The following LRRC37A2 variants were observed in gnomAD, a reference collection of about 807,000 sequenced individuals.
LRRC37A2 encodes the protein leucine-rich repeat-containing protein 37A2.
Under a neutral mutation model 68.8 loss-of-function variants are expected in LRRC37A2, and 9 were observed. The ratio of observed to expected loss-of-function variants is 0.13; its 90% confidence interval spans 0.08 to 0.23. The LOEUF (loss-of-function observed/expected upper bound fraction) is 0.23, where lower values mean the gene tolerates loss of function less well. Among genes scored for constraint, LRRC37A2 ranks in the 10% least tolerant of loss-of-function variants. LRRC37A2 has a pLI of 1.00. For missense variants in LRRC37A2, 168 were observed against 950.4 expected, an observed-to-expected ratio of 0.18 and a Z score of 10.82; for synonymous variants, 63 against 367.6, an observed-to-expected ratio of 0.17 and a Z score of 9.48.
chr17:46,955,026 G>T, the LRRC37A2 span, among the ~76,000 whole-genome samples: 1 of 152,138 alleles, frequency 6.6e-6, no homozygotes, highest in Non-Finnish European at 1.5e-5. Flanking sequence ...CTGCCTGATT[G>T]CCCTGGCCAG....
chr17:46,884,506 C>T, the LRRC37A2 span, among the ~76,000 whole-genome samples: 10 of 152,192 alleles, frequency 6.6e-5, no homozygotes, highest in Non-Finnish European at 1.5e-4. Flanking sequence ...CTGGAATGGC[C>T]TCTGCTTTCC....
chr17:46,755,460 G>A, the LRRC37A2 span: 2 of 1,109,238 alleles, frequency 1.8e-6, no homozygotes, highest in African/African-American at 1.5e-5. Context: ...TCCTAGATAA[G>A]TTTGTTTCCA....
At chr17:46,764,369 C>T in the LRRC37A2 span, 1 of 152,436 alleles carries the variant, frequency 6.6e-6, no homozygotes, top group African/African-American at 2.4e-5. Flanking sequence ...CCTATCAGAC[C>T]CTAGAGAACT....
chr17:46,955,523 A>G, the LRRC37A2 span: 2 of 152,188 alleles, frequency 1.3e-5, no homozygotes, highest in Admixed American at 6.6e-5. Flanking sequence ...TCTTATCTCA[A>G]CAAGAGTCAA....
chr17:46,812,342 G>A, the LRRC37A2 span, among the ~76,000 whole-genome samples: 8 of 136,362 alleles, frequency 5.9e-5, no homozygotes, highest in African/African-American at 1.9e-4. Context: ...CCCTACCCCC[G>A]CCCCAAGAAT....
the LRRC37A2 span, among the ~76,000 whole-genome samples, chr17:47,047,903 G>C: frequency 6.6e-6 from 1 of 151,056 alleles, no homozygotes; most frequent in African/African-American, 2.5e-5. Flanking sequence ...CTGTAGATTA[G>C]GTTTATTAGC....
At chr17:46,888,678 T>G in the LRRC37A2 span, among the ~76,000 whole-genome samples, 1 of 152,140 alleles carries the variant, frequency 6.6e-6, no homozygotes, top group Non-Finnish European at 1.5e-5. Flanking sequence ...ACTGTCTGGT[T>G]GCTCATCTTA....
the LRRC37A2 span, among the ~76,000 whole-genome samples, chr17:46,771,824 C>T: frequency 7.0e-6 from 1 of 143,590 alleles, no homozygotes; most frequent in Non-Finnish European, 1.5e-5. Flanking sequence ...GCGGCGGCCG[C>T]GCGGTGGGGG....
At chr17:47,033,806 T>C in the LRRC37A2 span, among the ~76,000 whole-genome samples, 1 of 152,270 alleles carries the variant, frequency 6.6e-6, no homozygotes, top group Non-Finnish European at 1.5e-5. Context: ...AAAAGGCTTG[T>C]ATAAAAATAT....
the LRRC37A2 span, among the ~76,000 whole-genome samples, chr17:46,504,864 TG>T: frequency 4.1e-5 from 5 of 123,434 alleles, no homozygotes; most frequent in Admixed American, 2.5e-4. Flanking sequence ...TTTAATACAT[TG>T]ATTTATTAAT....
the LRRC37A2 span, among the ~76,000 whole-genome samples, chr17:47,041,520 C>T: frequency 0.36 from 17,032 of 47,840 alleles, 2,613 homozygotes; most frequent in Middle Eastern, 0.42. Flanking sequence ...TGTGCAGTGG[C>T]GCAATCTCGT....
chr17:46,996,645 T>C, the LRRC37A2 span, among the ~76,000 whole-genome samples: 1 of 152,216 alleles, frequency 6.6e-6, no homozygotes. Context: ...AAACAACCAC[T>C]TTATTATTAA....
chr17:46,943,036 TATTA>T, the LRRC37A2 span, among the ~76,000 whole-genome samples: 4 of 152,146 alleles, frequency 2.6e-5, no homozygotes, highest in Admixed American at 6.5e-5. Context: ...TTCACCCTCT[TATTA>T]ATTGGCCTGG....
chr17:47,001,085 G>A, the LRRC37A2 span, among the ~76,000 whole-genome samples: 5 of 152,132 alleles, frequency 3.3e-5, no homozygotes, highest in Non-Finnish European at 7.3e-5. Context: ...GCAGTGAGCC[G>A]AGATGGTGCC....
At chr17:46,959,769 C>T in the LRRC37A2 span, among the ~76,000 whole-genome samples, 2 of 152,182 alleles carry the variant, frequency 1.3e-5, no homozygotes, top group Non-Finnish European at 2.9e-5. Flanking sequence ...AAACTTTTCC[C>T]TTCCCTTTTG....
chr17:46,751,542 G>A, the LRRC37A2 span: 1 of 1,613,988 alleles, frequency 6.2e-7, no homozygotes. Flanking sequence ...CACCACAATT[G>A]CACAGCAAGT....
chr17:46,738,926 A>G, the LRRC37A2 span, among the ~76,000 whole-genome samples: 1 of 148,882 alleles, frequency 6.7e-6, no homozygotes, highest in African/African-American at 2.5e-5. Flanking sequence ...ATATGGCAAA[A>G]CCCCATCTCT....
chr17:46,990,902 C>T, the LRRC37A2 span, among the ~76,000 whole-genome samples: 1 of 152,130 alleles, frequency 6.6e-6, no homozygotes, highest in Non-Finnish European at 1.5e-5. Flanking sequence ...AACTCTTGGC[C>T]TCAAGCAATC....
chr17:47,023,330 A>G, the LRRC37A2 span, among the ~76,000 whole-genome samples: 1 of 152,206 alleles, frequency 6.6e-6, no homozygotes, highest in Admixed American at 6.5e-5. Flanking sequence ...ATTTTTCACA[A>G]CAGTTTGTGT....
Sources: allele counts gnomAD v4.1 joint callset (sites outside exome capture counted in the v4.1 genomes callset), GRCh38; gene constraint gnomAD v4.1.1; transcripts MANE v1.5; gene names NCBI Gene and HGNC (gene_info 2026-07-23, HGNC 2026-07-21).